Variants in NRG3 observed in about 807,000 individuals in gnomAD.
The protein encoded by NRG3 is neuregulin 3.
Under a neutral mutation model 66.9 loss-of-function variants are expected in NRG3, and 31 were observed. The observed-to-expected ratio is 0.46, with a 90% confidence interval of 0.35 to 0.63. The LOEUF is 0.63. NRG3 is among the 20% of genes least tolerant of loss of function. The pLI is 0.00. For missense variants in NRG3, 910 were observed against 878.9 expected, an observed-to-expected ratio of 1.04 and a Z score of -0.45; for synonymous variants, 393 against 359.4, an observed-to-expected ratio of 1.09 and a Z score of -1.06.
At chr10:82,021,762 C>CT in intron 1 of NRG3, among the ~76,000 whole-genome samples, 1 of 150,278 alleles carries the variant, frequency 6.7e-6, no homozygotes, top group East Asian at 2.0e-4. Flanking sequence ...TACTGAAACT[C>CT]TAATAAGCTT....
chr10:82,507,926 A>C (rs1590395064), intron 2 of NRG3, among the ~76,000 whole-genome samples: 1 of 152,220 alleles, frequency 6.6e-6, no homozygotes, highest in Non-Finnish European at 1.5e-5. Flanking sequence ...ACTGTGACAA[A>C]GGATTTTACT....
chr10:82,128,380 G>A (rs1401383406), intron 1 of NRG3, among the ~76,000 whole-genome samples: 1 of 151,980 alleles, frequency 6.6e-6, no homozygotes, highest in Non-Finnish European at 1.5e-5. Flanking sequence ...TCATGAATAT[G>A]GAAGAGATAC....
chr10:82,485,796 CA>C (rs57961729), intron 2 of NRG3, among the ~76,000 whole-genome samples: 131,581 of 151,048 alleles, frequency 0.87, 57,789 homozygotes, highest in East Asian at 0.98. Flanking sequence ...GCAGCAAAAG[CA>C]AAAAAAAATA....
intron 2 of NRG3, among the ~76,000 whole-genome samples, chr10:82,665,416 G>A (rs2052689400): frequency 6.6e-6 from 1 of 152,064 alleles, no homozygotes; most frequent in South Asian, 2.1e-4. Context: ...TGACCTTGAC[G>A]GTCTCATCTC....
At chr10:81,927,812 C>CTT (rs1222001948) in intron 1 of NRG3, among the ~76,000 whole-genome samples, 2 of 152,060 alleles carry the variant, frequency 1.3e-5, no homozygotes, top group Non-Finnish European at 2.9e-5. Flanking sequence ...AGCCAGGATG[C>CTT]GAAGAGGGGT....
chr10:82,581,411 T>C (rs1160059861), intron 2 of NRG3, among the ~76,000 whole-genome samples: 1 of 152,076 alleles, frequency 6.6e-6, no homozygotes, highest in Non-Finnish European at 1.5e-5. Flanking sequence ...CTTAATGGTA[T>C]TCTTCACAGA....
intron 1 of NRG3, among the ~76,000 whole-genome samples, chr10:82,294,412 T>G (rs1414340945): frequency 6.6e-6 from 1 of 151,432 alleles, no homozygotes; most frequent in African/African-American, 2.4e-5. Context: ...GTGTAACTAA[T>G]AAACACATAT....
intron 4 of NRG3, among the ~76,000 whole-genome samples, chr10:82,904,886 A>G (rs1241962437): frequency 1.3e-5 from 2 of 152,300 alleles, no homozygotes; most frequent in Admixed American, 6.5e-5. Flanking sequence ...CTGATTGAGC[A>G]CAAGCTTAAT....
chr10:82,958,402 GCT>G (rs1850283267), intron 5 of NRG3, among the ~76,000 whole-genome samples: 1 of 152,122 alleles, frequency 6.6e-6, no homozygotes, highest in Admixed American at 6.5e-5. Flanking sequence ...TGTATAACTA[GCT>G]CTTTAAGAGT....
intron 3 of NRG3, among the ~76,000 whole-genome samples, chr10:82,840,689 A>T (rs1283229366): frequency 1.3e-5 from 2 of 152,160 alleles, no homozygotes; most frequent in Non-Finnish European, 2.9e-5. Context: ...CTCTTGTGTC[A>T]TCGCAGGCAC....
At chr10:82,209,613 A>G (rs1275289236) in intron 1 of NRG3, among the ~76,000 whole-genome samples, 1 of 152,206 alleles carries the variant, frequency 6.6e-6, no homozygotes, top group East Asian at 1.9e-4. Context: ...TATTAGAGCC[A>G]TATAATGATG....
intron 3 of NRG3, among the ~76,000 whole-genome samples, chr10:82,803,988 A>T (rs2135454987): frequency 6.6e-6 from 1 of 152,276 alleles, no homozygotes; most frequent in East Asian, 1.9e-4. Flanking sequence ...ATTTCACACC[A>T]TTATGCTTTG....
intron 1 of NRG3, among the ~76,000 whole-genome samples, chr10:82,332,552 C>T (rs1178118505): frequency 6.6e-6 from 1 of 152,164 alleles, no homozygotes; most frequent in Non-Finnish European, 1.5e-5. Flanking sequence ...TGCTTGCATA[C>T]TTGTAATAAT....
rs567783704 is a variant in NRG3, at chr10:82,490,008, C to T, written c.953+131140C>T. On this transcript the variant is annotated intron_variant, in intron 2 of 8. Transcript: ENST00000372141. ...AAGGCACAGAGAAGATGAATGATTT[C>T]TCTGAGGTCATAAAACTATTAAGTG... 3.3e-5 allele frequency among the ~76,000 whole-genome samples: 5 copies of T among 152,278 alleles called. No homozygotes were observed. In the East Asian group the frequency reaches 9.7e-4, roughly 29 times the overall value.
intron 2 of NRG3, among the ~76,000 whole-genome samples, chr10:82,634,073 T>C (rs2050022350): frequency 6.6e-6 from 1 of 152,148 alleles, no homozygotes; most frequent in African/African-American, 2.4e-5. Flanking sequence ...GCCCATGAGA[T>C]ATTAGCAGCA....
chr10:82,925,074 C>A (rs180819334), intron 4 of NRG3, among the ~76,000 whole-genome samples: 7 of 152,216 alleles, frequency 4.6e-5, no homozygotes, highest in Admixed American at 3.3e-4. Flanking sequence ...ATAAGCACCC[C>A]CATTTTACAG....
intron 1 of NRG3, among the ~76,000 whole-genome samples, chr10:81,919,473 T>C (rs1403107223): frequency 6.6e-6 from 1 of 152,112 alleles, no homozygotes. Context: ...TATGAACTCA[T>C]AAATAACATT....
chr10:81,993,400 G>C (rs552708198), intron 1 of NRG3, among the ~76,000 whole-genome samples: 1 of 152,148 alleles, frequency 6.6e-6, no homozygotes, highest in Non-Finnish European at 1.5e-5. Flanking sequence ...AGGCTGGAGT[G>C]CAGAGGTGTG....
At chr10:82,630,153 C>G (rs1355324024) in intron 2 of NRG3, among the ~76,000 whole-genome samples, 1 of 152,052 alleles carries the variant, frequency 6.6e-6, no homozygotes, top group East Asian at 1.9e-4. Context: ...TTCCAGTGCA[C>G]ACCTCAAGAA....
Sources: allele counts gnomAD v4.1 joint callset (sites outside exome capture counted in the v4.1 genomes callset), GRCh38; gene constraint gnomAD v4.1.1; transcripts MANE v1.5; gene names NCBI Gene and HGNC (gene_info 2026-07-23, HGNC 2026-07-21).